The following NUDCD1 variants were observed in gnomAD, a reference collection of about 807,000 sequenced individuals.
NUDCD1 encodes nudC domain-containing protein 1.
In NUDCD1, 60 loss-of-function variants were observed where a neutral mutation model predicts 67.8. The ratio of observed to expected loss-of-function variants is 0.88; its 90% confidence interval spans 0.72 to 1.10. The LOEUF is 1.10. Ranked by LOEUF, NUDCD1 falls within the 50% of genes least tolerant of loss-of-function variation. NUDCD1 has a pLI of 0.00. For missense variants in NUDCD1, 643 were observed against 695.0 expected (o/e 0.93, Z 0.84); for synonymous variants, 244 against 230.8 (o/e 1.06, Z -0.52).
At chr8:109,276,208 G>T (rs1326208672) in intron 6 of NUDCD1, among the ~76,000 whole-genome samples, 1 of 152,176 alleles carries the variant, frequency 6.6e-6, no homozygotes, top group East Asian at 1.9e-4. Context: ...AAGGACTGAT[G>T]CAGCAGGAAA....
rs1200353286 is a variant in NUDCD1, at chr8:109,271,034, C to A, written c.1270G>T (p.Asp424Tyr). The A allele has an allele frequency of 1.3e-6, 2 of 1,594,826 alleles. No individual in the cohort carries two copies. Among genetic ancestry groups the A allele is most frequent in the Non-Finnish European group, 1.7e-6 (2 of 1,166,698 alleles). ...TGAGTAGTTTTTAATGTATTGCCAT[C>A]AAATCTGCATAAACTGGAGCTCTCT... ...FEESSSLCRF[D>Y]GNTLKTTHVV... Residue 424 changes from aspartate (D) to tyrosine (Y), a missense_variant, in exon 8 of 10, where the codon GAT (aspartate) becomes TAT (tyrosine). By Grantham distance (160) the Asp-to-Tyr change is radical (BLOSUM62 -3). Transcript: ENST00000239690.
At chr8:109,313,023 T>A (rs1328939333) in intron 2 of NUDCD1, among the ~76,000 whole-genome samples, 1 of 152,186 alleles carries the variant, frequency 6.6e-6, no homozygotes, top group Non-Finnish European at 1.5e-5. Context: ...ACCCATTACA[T>A]AAACAACCAA....
At chr8:109,291,243 A>G (rs888425009) in intron 4 of NUDCD1, among the ~76,000 whole-genome samples, 2 of 151,942 alleles carry the variant, frequency 1.3e-5, no homozygotes, top group African/African-American at 4.8e-5. Context: ...GTAGCCTCAA[A>G]CTCCCAGGCT....
intron 8 of NUDCD1, among the ~76,000 whole-genome samples, chr8:109,250,219 A>C (rs924611506): frequency 1.3e-5 from 2 of 152,160 alleles, no homozygotes; most frequent in Non-Finnish European, 2.9e-5. Context: ...TTATTAAATA[A>C]ATTCTAGCTT....
intron 1 of NUDCD1, among the ~76,000 whole-genome samples, chr8:109,323,512 T>C (rs1211925591): frequency 6.6e-6 from 1 of 152,038 alleles, no homozygotes; most frequent in Non-Finnish European, 1.5e-5. Flanking sequence ...ATAATTTTTA[T>C]GAAATAAATT....
chr8:109,270,082 GTGCCTTAA>G (rs200363257), intron 8 of NUDCD1, among the ~76,000 whole-genome samples: 29,334 of 38,526 alleles, frequency 0.76, 11,778 homozygotes, highest in Admixed American at 0.83. Flanking sequence ...GGGGGGGGGG[GTGCCTTAA>G]GGTGGGGTGT....
intron 7 of NUDCD1, 30 bp downstream of exon 7, chr8:109,275,322 G>A (rs986815872): frequency 6.3e-7 from 1 of 1,594,488 alleles, no homozygotes; most frequent in Admixed American, 1.8e-5. Context: ...TGGACCCTTG[G>A]AAAGTCACAC....
intron 5 of NUDCD1, among the ~76,000 whole-genome samples, chr8:109,281,899 A>G (rs960972922): frequency 6.6e-6 from 1 of 152,044 alleles, no homozygotes; most frequent in Admixed American, 6.5e-5. Flanking sequence ...GTTAACCTAC[A>G]TCTCCTGTGC....
chr8:109,322,344 T>C lies in NUDCD1; in HGVS notation c.238A>G (p.Thr80Ala). The C allele has an allele frequency of 6.4e-7, 1 of 1,564,874 alleles. No individual in the cohort carries two copies. Among genetic ancestry groups the C allele is most frequent in the Non-Finnish European group, 8.8e-7 (1 of 1,140,028 alleles). ...GTTAAATTCATAATTCTTCCAAGGG[T>C]ATCAATATAGTAGACACTGTCTTGA... is the stretch of plus-strand genomic sequence containing the variant. ...WYQDSVYYID[T>A]LGRIMNLTVM... is the part of the protein sequence containing the mutation. Residue 80 changes from threonine to alanine, a missense_variant, in exon 2 of 10, where the codon ACC becomes GCC. Transcript: ENST00000239690.
chr8:109,277,968 C>T (rs1814336007), intron 6 of NUDCD1, among the ~76,000 whole-genome samples: 1 of 152,156 alleles, frequency 6.6e-6, no homozygotes, highest in African/African-American at 2.4e-5. Context: ...ATGTAAGATA[C>T]CTTTTACAAC....
At chr8:109,311,572 T>TATATATATATATATATATATATATAG (rs1554617143) in intron 2 of NUDCD1, among the ~76,000 whole-genome samples, 1 of 145,336 alleles carries the variant, frequency 6.9e-6, no homozygotes, top group South Asian at 2.3e-4. Flanking sequence ...TATATATATA[T>TATATATATATATATATATATATATAG]GATGGGATAC....
chr8:109,268,522 G>GT (rs1489436408), intron 8 of NUDCD1, among the ~76,000 whole-genome samples: 3 of 152,080 alleles, frequency 2.0e-5, no homozygotes, highest in African/African-American at 4.8e-5. Flanking sequence ...TAAACTGGGG[G>GT]TATCTTAGTG....
chr8:109,252,220 C>G (rs760894350), intron 8 of NUDCD1, among the ~76,000 whole-genome samples: 3 of 152,100 alleles, frequency 2.0e-5, no homozygotes, highest in Non-Finnish European at 4.4e-5. Context: ...TCTGGTTCAG[C>G]CTCAGTACTC....
chr8:109,254,130 CACTGCCAGA>C (rs1401736099), intron 8 of NUDCD1, among the ~76,000 whole-genome samples: 14 of 152,250 alleles, frequency 9.2e-5, no homozygotes, highest in African/African-American at 2.9e-4. Flanking sequence ...TGGGTACATG[CACTGCCAGA>C]GGTGAGATGA....
At chr8:109,252,943 C>T (rs1813653971) in intron 8 of NUDCD1, among the ~76,000 whole-genome samples, 1 of 152,140 alleles carries the variant, frequency 6.6e-6, no homozygotes. Flanking sequence ...GCCTAAAAAG[C>T]TTAGGATTTC....
At chr8:109,281,981 A>T (rs1814450808) in intron 5 of NUDCD1, among the ~76,000 whole-genome samples, 2 of 152,116 alleles carry the variant, frequency 1.3e-5, no homozygotes, top group African/African-American at 2.4e-5. Flanking sequence ...GAGCTCTCCT[A>T]GATTAGGAGC....
intron 8 of NUDCD1, among the ~76,000 whole-genome samples, chr8:109,268,253 G>T (rs566173863): frequency 4.6e-5 from 7 of 152,198 alleles, no homozygotes; most frequent in African/African-American, 1.7e-4. Context: ...AAAAATCGGT[G>T]TATTTTGCTC....
intron 1 of NUDCD1, among the ~76,000 whole-genome samples, chr8:109,329,553 C>T (rs1815756228): frequency 1.3e-5 from 2 of 152,016 alleles, no homozygotes; most frequent in Admixed American, 1.3e-4. Context: ...AAGACTGAGG[C>T]TATAACTTTA....
intron 8 of NUDCD1, among the ~76,000 whole-genome samples, chr8:109,254,823 T>C (rs1813695098): frequency 6.6e-6 from 1 of 152,024 alleles, no homozygotes; most frequent in Non-Finnish European, 1.5e-5. Flanking sequence ...AATAAAAAGG[T>C]TTTATCTACT....
Sources: gnomAD v4.1 joint callset for allele counts (sites outside exome capture counted in the v4.1 genomes callset) on GRCh38, gnomAD v4.1.1 for gene constraint, MANE v1.5 for transcripts, NCBI Gene and HGNC (gene_info 2026-07-23, HGNC 2026-07-21) for gene names.